BANK1: variants seen among roughly 807,000 people sequenced by gnomAD.
BANK1 encodes B-cell scaffold protein with ankyrin repeats.
In BANK1, 95 loss-of-function variants were observed where a neutral mutation model predicts 94.5. The ratio of observed to expected loss-of-function variants is 1.00; its 90% CI spans 0.85 to 1.19. The LOEUF is 1.19. Among genes scored for constraint, BANK1 ranks in the 50% most tolerant of loss-of-function variants. BANK1 has a pLI of 0.00. For synonymous variants in BANK1, 334 were observed against 308.4 expected (o/e 1.08, Z -0.87); for missense variants, 987 against 932.2 (o/e 1.06, Z -0.77).
In BANK1 at chr4:101,855,233, T is replaced by C. The variant is rs1346726022; in HGVS notation, c.624+44T>C. 2.0e-6 allele frequency: 3 copies of C among 1,517,464 alleles called. No individual in the cohort carries two copies. In the South Asian group the frequency reaches 3.9e-5, roughly 20 times the overall value. 94.0% of individuals were successfully genotyped at this position (1,517,464 alleles called of 1,614,324 possible). ...TTATTTAAGTGACCCCATTGTGTTA[T>C]GGTGGTGGTGGTGGTTGTTGTTGTT... is the stretch of plus-strand genomic sequence containing the variant. On this transcript the variant is annotated intron_variant, in intron 3 of 16. Coordinates refer to ENST00000322953, the MANE Select transcript of BANK1 (RefSeq NM_017935.5).
chr4:101,937,889 C>A (rs187474908), intron 7 of BANK1, among the ~76,000 whole-genome samples: 1 of 151,882 alleles, frequency 6.6e-6, no homozygotes, highest in Non-Finnish European at 1.5e-5. Flanking sequence ...CACATATACA[C>A]CATGGAATAC....
chr4:102,004,360 C>T (rs1726177695), intron 7 of BANK1, among the ~76,000 whole-genome samples: 2 of 152,224 alleles, frequency 1.3e-5, no homozygotes, highest in South Asian at 2.1e-4. Flanking sequence ...TCATGACATT[C>T]TCTTCCATAC....
chr4:101,811,938 A>C (rs1421801514), intron 1 of BANK1, among the ~76,000 whole-genome samples: 4 of 152,056 alleles, frequency 2.6e-5, no homozygotes, highest in Non-Finnish European at 5.9e-5. Context: ...TGGGCTTTAT[A>C]ATCTTTTATC....
intron 7 of BANK1, among the ~76,000 whole-genome samples, chr4:101,954,615 G>A (rs1724278459): frequency 6.6e-6 from 1 of 152,048 alleles, no homozygotes; most frequent in Non-Finnish European, 1.5e-5. Context: ...CAAAAAAAAT[G>A]TACCAAGATA....
At chr4:101,986,516 T>C (rs1030892474) in intron 7 of BANK1, among the ~76,000 whole-genome samples, 2 of 151,994 alleles carry the variant, frequency 1.3e-5, no homozygotes, top group African/African-American at 2.4e-5. Context: ...ATATGGATGA[T>C]AATTTATCTC....
At chr4:102,037,359 A>T (rs1417318204) in intron 10 of BANK1, among the ~76,000 whole-genome samples, 2 of 152,216 alleles carry the variant, frequency 1.3e-5, no homozygotes, top group Admixed American at 6.5e-5. Context: ...CAGAGTAAAG[A>T]AATACTTTAG....
At chr4:102,022,557 A>C (rs1446548198) in intron 8 of BANK1, among the ~76,000 whole-genome samples, 1 of 152,160 alleles carries the variant, frequency 6.6e-6, no homozygotes, top group Non-Finnish European at 1.5e-5. Context: ...CTTGGCAATG[A>C]ACGGAAATTG....
At chr4:101,850,765 C>T (rs2148872312) in intron 2 of BANK1, among the ~76,000 whole-genome samples, 1 of 152,200 alleles carries the variant, frequency 6.6e-6, no homozygotes, top group Middle Eastern at 3.4e-3. Flanking sequence ...ATCATTATGT[C>T]TGTTGTGGTG....
intron 1 of BANK1, among the ~76,000 whole-genome samples, chr4:101,808,918 C>T (rs1299760506): frequency 6.6e-6 from 1 of 152,238 alleles, no homozygotes; most frequent in East Asian, 1.9e-4. Flanking sequence ...ACTAGTATAA[C>T]CACTATGGAA....
chr4:101,796,162 GA>G (rs1197196994), intron 1 of BANK1, among the ~76,000 whole-genome samples: 2 of 152,144 alleles, frequency 1.3e-5, no homozygotes, highest in Non-Finnish European at 2.9e-5. Flanking sequence ...AAACTGTGAT[GA>G]AAAAACTGAG....
Position 102,007,083 on chromosome 4 carries a change from T to TATATATAATATATTTATATATATATAA in BANK1, c.1207-14424_1207-14423insATATATTTATATATATATAAATATATA, listed in dbSNP as rs1726297048. ...ATATATAATTTTATATATATATAAA[T>TATATATAATATATTTATATATATATAA]ATATATATAATATATTTATATATAT... On this transcript the variant is annotated intron_variant, in intron 7 of 16. Transcript: ENST00000322953. Among the ~76,000 whole-genome samples the TATATATAATATATTTATATATATATAA allele has an allele frequency of 1.1e-4, 8 of 72,312 alleles. 1 individual carries two copies. The highest frequency in any genetic ancestry group is 2.2e-4 in the African/African-American group (5 of 23,102). 47.4% of individuals were successfully genotyped at this position (72,312 alleles called of 152,430 possible).
Position 101,936,318 on chromosome 4 carries a change from T to C in BANK1, c.1206+18129T>C, listed in dbSNP as rs116114464. ...GCACACATACATGCATATGTACACA[T>C]ATGTATCCATACATATATATGTACA... On this transcript the variant is annotated intron_variant, in intron 7 of 16. Coordinates refer to ENST00000322953, the MANE Select transcript of BANK1 (RefSeq NM_017935.5). Among the ~76,000 whole-genome samples the C allele has an allele frequency of 9.2e-4, 139 of 150,338 alleles. 1 individual carries two copies. Among genetic ancestry groups the C allele is most frequent in the African/African-American group, 3.2e-3 (130 of 41,174 alleles).
intron 4 of BANK1, 119 bp downstream of exon 4, chr4:101,862,783 T>C (rs1364226449): frequency 1.8e-6 from 2 of 1,114,608 alleles, no homozygotes; most frequent in Non-Finnish European, 2.4e-6. Flanking sequence ...GTGTTTCCTG[T>C]GTTTAGTTTT....
chr4:101,806,967 A>G (rs114020361), intron 1 of BANK1, among the ~76,000 whole-genome samples: 3 of 152,310 alleles, frequency 2.0e-5, no homozygotes, highest in African/African-American at 7.2e-5. Flanking sequence ...TGACTCAAAT[A>G]CCCTAAGTTC....
chr4:101,903,646 G>A (rs911398237), intron 6 of BANK1, among the ~76,000 whole-genome samples: 2 of 152,160 alleles, frequency 1.3e-5, no homozygotes, highest in Non-Finnish European at 2.9e-5. Context: ...ATTGCCAAGG[G>A]CTAATAAGAC....
chr4:102,018,828 T>C (rs1051770469), intron 7 of BANK1, among the ~76,000 whole-genome samples: 64 of 150,524 alleles, frequency 4.3e-4, no homozygotes, highest in African/African-American at 1.6e-3. Flanking sequence ...TCCTTTTTTT[T>C]TTTTTTTTGA....
intron 10 of BANK1, among the ~76,000 whole-genome samples, chr4:102,034,241 A>G (rs1454343184): frequency 6.6e-6 from 1 of 152,218 alleles, no homozygotes; most frequent in Admixed American, 6.5e-5. Flanking sequence ...ACAGGAATGC[A>G]GAATCCCATC....
intron 5 of BANK1, among the ~76,000 whole-genome samples, chr4:101,882,940 A>G (rs2148886210): frequency 6.6e-6 from 1 of 152,302 alleles, no homozygotes; most frequent in South Asian, 2.1e-4. Context: ...CACTTTTATT[A>G]CTTGTTCCAT....
intron 11 of BANK1, among the ~76,000 whole-genome samples, chr4:102,047,834 A>G (rs1727934270): frequency 6.6e-6 from 1 of 151,948 alleles, no homozygotes. Flanking sequence ...AATGCAAGGA[A>G]GGGCTGCTAG....
Sources: gnomAD v4.1 joint callset for allele counts (sites outside exome capture counted in the v4.1 genomes callset) on GRCh38, gnomAD v4.1.1 for gene constraint, MANE v1.5 for transcripts, NCBI Gene and HGNC (gene_info 2026-07-23, HGNC 2026-07-21) for gene names.